PPP1R1C: variants seen among roughly 807,000 people sequenced by gnomAD.
The protein encoded by PPP1R1C is protein phosphatase 1 regulatory subunit 1C.
Under a neutral mutation model 17.4 loss-of-function variants are expected in PPP1R1C, and 15 were observed. That is an observed-to-expected ratio of 0.86 (90% CI 0.58 to 1.33). PPP1R1C has a LOEUF of 1.33. Among genes scored for constraint, PPP1R1C ranks in the 40% most tolerant of loss-of-function variants. The probability of loss-of-function intolerance (pLI) is 0.00; values close to 1 mark genes in which losing one functional copy is unlikely to be tolerated. For missense variants in PPP1R1C, 143 were observed against 130.0 expected (o/e 1.10, Z -0.48); for synonymous variants, 35 against 43.1 (o/e 0.81, Z 0.73).
At chr2:182,107,813 G>A (rs754735494) in intron 4 of PPP1R1C, among the ~76,000 whole-genome samples, 2 of 152,032 alleles carry the variant, frequency 1.3e-5, no homozygotes, top group African/African-American at 2.4e-5. Flanking sequence ...AAAGCCATGA[G>A]AAGAGAACTT....
At chr2:182,003,249 C>A (rs1408187337) in intron 2 of PPP1R1C, among the ~76,000 whole-genome samples, 1 of 152,148 alleles carries the variant, frequency 6.6e-6, no homozygotes, top group Non-Finnish European at 1.5e-5. Context: ...CCTTTGCTCA[C>A]CCATTGCTCC....
intron 1 of PPP1R1C, among the ~76,000 whole-genome samples, chr2:181,960,930 C>T (rs1470428121): frequency 1.3e-5 from 2 of 152,126 alleles, no homozygotes; most frequent in Admixed American, 6.5e-5. Context: ...TGATAGCAAA[C>T]ATTTTAGTAG....
At chr2:182,120,849 T>TA (rs140099817), downstream of PPP1R1C, among the ~76,000 whole-genome samples, 4,516 of 150,956 alleles carry the variant, frequency 0.03, 199 homozygotes, top group African/African-American at 0.1. Flanking sequence ...TCTCCATTCC[T>TA]AAAAAAAAAC....
upstream of PPP1R1C, chr2:181,985,835 G>A (rs1006439906): frequency 1.2e-5 from 6 of 480,450 alleles, no homozygotes; most frequent in African/African-American, 1.2e-4. The surrounding 1 kb of genome is among the most constrained non-coding windows in gnomAD (Gnocchi z 4.1). Flanking sequence ...TATTAGTGAA[G>A]AGGCACACAA....
intron 1 of PPP1R1C, among the ~76,000 whole-genome samples, chr2:181,963,367 G>T (rs1276350928): frequency 6.6e-6 from 1 of 152,150 alleles, no homozygotes; most frequent in Non-Finnish European, 1.5e-5. Flanking sequence ...TTGGCCAGGC[G>T]CAATGGCTTA....
intron 1 of PPP1R1C, among the ~76,000 whole-genome samples, chr2:181,963,419 C>A (rs950652957): frequency 6.6e-6 from 1 of 152,084 alleles, no homozygotes; most frequent in Non-Finnish European, 1.5e-5. Context: ...AGCGGGTGGA[C>A]CACGAGGTCA....
chr2:182,081,234 A>G (rs1406087491), intron 4 of PPP1R1C, among the ~76,000 whole-genome samples: 1 of 152,334 alleles, frequency 6.6e-6, no homozygotes, highest in East Asian at 1.9e-4. Context: ...CATAGTGCCA[A>G]CTGGTGTCCA....
chr2:182,072,801 G>A (rs1461621942), intron 4 of PPP1R1C, among the ~76,000 whole-genome samples: 1 of 152,158 alleles, frequency 6.6e-6, no homozygotes, highest in Non-Finnish European at 1.5e-5. Flanking sequence ...TGATCCTTAT[G>A]TAATAACAGT....
chr2:182,093,939 G>A (rs907317247), intron 4 of PPP1R1C, among the ~76,000 whole-genome samples: 3 of 152,244 alleles, frequency 2.0e-5, no homozygotes, highest in South Asian at 2.1e-4. Flanking sequence ...CTGCTACCCA[G>A]TTCCAAAGTC....
chr2:181,969,188 C>T (rs1684959466), intron 1 of PPP1R1C, among the ~76,000 whole-genome samples: 1 of 152,032 alleles, frequency 6.6e-6, no homozygotes, highest in African/African-American at 2.4e-5. Flanking sequence ...GTACTATTAC[C>T]AGTGAGTTTT....
intron 2 of PPP1R1C, among the ~76,000 whole-genome samples, chr2:182,008,058 A>C (rs1001422376): frequency 1.4e-5 from 2 of 148,090 alleles, no homozygotes; most frequent in Non-Finnish European, 3.0e-5. Context: ...AAAGAGCGAG[A>C]CTCCGTCTCA....
intron 2 of PPP1R1C, among the ~76,000 whole-genome samples, chr2:182,004,506 A>G (rs908630519): frequency 2.6e-5 from 4 of 152,216 alleles, no homozygotes; most frequent in Admixed American, 2.6e-4. Context: ...GGGTGAAGGC[A>G]GGGAAGACTA....
chr2:182,041,764 C>T (rs1016686326), intron 2 of PPP1R1C, among the ~76,000 whole-genome samples: 25 of 151,966 alleles, frequency 1.6e-4, no homozygotes, highest in African/African-American at 5.6e-4. Flanking sequence ...TAACATACGT[C>T]CGTATGTTCT....
chr2:182,081,672 A>C (rs1174124430), intron 4 of PPP1R1C, among the ~76,000 whole-genome samples: 1 of 152,204 alleles, frequency 6.6e-6, no homozygotes, highest in African/African-American at 2.4e-5. Context: ...ATTTTGTAAA[A>C]AAAAAGTATT....
At chr2:182,103,905 G>A (rs777232066) in intron 4 of PPP1R1C, 8 of 152,050 alleles carry the variant, frequency 5.3e-5, no homozygotes, top group African/African-American at 9.7e-5. Context: ...TCACACTTTC[G>A]ATAAAAGAAA....
At chr2:182,121,744 C>T (rs1016365196), downstream of PPP1R1C, among the ~76,000 whole-genome samples, 8 of 152,062 alleles carry the variant, frequency 5.3e-5, no homozygotes, top group East Asian at 7.7e-4. Flanking sequence ...CCTCATAATC[C>T]GCCCGCCTCA....
chr2:182,096,506 C>T (rs1688942245), intron 4 of PPP1R1C, among the ~76,000 whole-genome samples: 1 of 152,094 alleles, frequency 6.6e-6, no homozygotes, highest in Non-Finnish European at 1.5e-5. Context: ...CTAATCAGGC[C>T]CTACATGATC....
chr2:181,961,113 T>TTGTCTTCCTTCCCTCCC lies in PPP1R1C; in HGVS notation n.111+6481_111+6497dup. On this transcript the variant is annotated intron_variant and non_coding_transcript_variant, in intron 1 of 5. Transcript: ENST00000464264. This position sits in a 1 kb window ranked among gnomAD's most constrained non-coding sequence, Gnocchi z 5.8. ...GTGTCACATCATCATAGCAGTTTTC[T>TTGTCTTCCTTCCCTCCC]TGTCTTCCTTCCCTCCCTTCCTTCC... The TTGTCTTCCTTCCCTCCC allele has an allele frequency of 1.7e-6, 1 of 594,508 alleles. No individual in the cohort carries two copies. The highest frequency in any genetic ancestry group is 3.0e-6 in the Non-Finnish European group (1 of 330,084). The allele number at this position is 594,508 out of a possible 1,614,324, so 36.8% of individuals were successfully genotyped here. A position where few individuals can be genotyped will look rare whatever the true frequency, so the allele number is the denominator to read the frequency against.
intron 2 of PPP1R1C, among the ~76,000 whole-genome samples, chr2:182,054,104 C>A (rs1373625894): frequency 6.6e-6 from 1 of 152,060 alleles, no homozygotes; most frequent in Non-Finnish European, 1.5e-5. Context: ...TTCTCAGTAA[C>A]ATTTTTGATG....
Sources: gnomAD v4.1 joint callset for allele counts (sites outside exome capture counted in the v4.1 genomes callset) on GRCh38, gnomAD v4.1.1 for gene constraint, Gnocchi (gnomAD v3.1) non-coding constraint, MANE v1.5 for transcripts, NCBI Gene and HGNC (gene_info 2026-07-23, HGNC 2026-07-21) for gene names.